Variants in RPH3A observed in about 807,000 individuals in gnomAD.
The protein encoded by RPH3A is rabphilin 3A.
Under a neutral mutation model 102.2 loss-of-function variants are expected in RPH3A, and 48 were observed. That is an observed-to-expected ratio of 0.47 (90% CI 0.37 to 0.60). RPH3A has a LOEUF of 0.60. RPH3A is among the 20% of genes least tolerant of loss of function. RPH3A has a pLI of 0.00. For missense variants in RPH3A, 781 were observed against 910.1 expected, an observed-to-expected ratio of 0.86 and a Z score of 1.83; for synonymous variants, 310 against 324.3, an observed-to-expected ratio of 0.96 and a Z score of 0.47.
chr12:112,874,181 T>A (rs1267279750), intron 10 of RPH3A: 1 of 152,230 alleles, frequency 6.6e-6, no homozygotes, highest in Admixed American at 6.5e-5. Flanking sequence ...AGGGCTTTCT[T>A]CCCAGAACAT....
intron 1 of RPH3A, among the ~76,000 whole-genome samples, chr12:112,772,538 A>G (rs1256992569): frequency 6.6e-6 from 1 of 152,172 alleles, no homozygotes; most frequent in Non-Finnish European, 1.5e-5. Context: ...ACAATAGCTA[A>G]GGTTGTACTC....
At chr12:112,768,252 C>T (rs1451614858) in intron 1 of RPH3A, among the ~76,000 whole-genome samples, 1 of 152,174 alleles carries the variant, frequency 6.6e-6, no homozygotes, top group East Asian at 1.9e-4. Context: ...TCCCCTTGCT[C>T]CCCATCAGAA....
At chr12:112,588,748 G>A (rs1415772949) in intron 1 of RPH3A, among the ~76,000 whole-genome samples, 2 of 152,174 alleles carry the variant, frequency 1.3e-5, no homozygotes, top group African/African-American at 4.8e-5. Flanking sequence ...TTCTGGGGGT[G>A]TGGGGCCTGT....
At position 112,898,842 on chromosome 12, in the gene RPH3A, G is replaced by A; in HGVS notation, c.*2062G>A. The A allele has an allele frequency of 6.6e-6, 1 of 152,376 alleles. No individual in the cohort carries two copies. 9.4% of individuals were successfully genotyped at this position (152,376 alleles called of 1,614,324 possible). A position where few individuals can be genotyped will look rare whatever the true frequency, so the allele number is the denominator to read the frequency against. ...ACAACCACCCAGCATCTTTCTTTGT[G>A]ATGATGTAGCCAAAAATAAAGTAGG... On this transcript the variant is annotated 3_prime_UTR_variant, in exon 22 of 22. Coordinates refer to ENST00000389385, the MANE Select transcript of RPH3A (RefSeq NM_001143854.2).
At chr12:112,578,503 C>A (rs916275882) in intron 1 of RPH3A, among the ~76,000 whole-genome samples, 3 of 152,116 alleles carry the variant, frequency 2.0e-5, no homozygotes, top group Non-Finnish European at 4.4e-5. Context: ...CTGGGAAGAT[C>A]TACAGAGGAT....
At chr12:112,881,610 C>A (rs2042913872) in intron 14 of RPH3A, among the ~76,000 whole-genome samples, 162 bp from the exon 15 acceptor site, 1 of 152,236 alleles carries the variant, frequency 6.6e-6, no homozygotes, top group Non-Finnish European at 1.5e-5. Context: ...CATCCCAGTA[C>A]TCTTTCCATG....
chr12:112,626,689 C>A (rs1287451171), intron 1 of RPH3A, among the ~76,000 whole-genome samples: 1 of 110,776 alleles, frequency 9.0e-6, no homozygotes, highest in Non-Finnish European at 1.8e-5. Context: ...TACCATTTGA[C>A]CCAGCCATCC....
intron 1 of RPH3A, among the ~76,000 whole-genome samples, chr12:112,609,538 T>C (rs748594966): frequency 2.6e-5 from 4 of 152,222 alleles, no homozygotes; most frequent in Non-Finnish European, 5.9e-5. Flanking sequence ...GAAGCCGTCC[T>C]GGATTCCTTC....
chr12:112,894,366 C>A (rs1349140605), intron 19 of RPH3A: 3 of 581,888 alleles, frequency 5.2e-6, no homozygotes, highest in Non-Finnish European at 6.0e-6. Context: ...GGTTCTACTG[C>A]CTAGGGTCAT....
At chr12:112,609,803 C>G (rs2039624494) in intron 1 of RPH3A, among the ~76,000 whole-genome samples, 1 of 152,208 alleles carries the variant, frequency 6.6e-6, no homozygotes. Flanking sequence ...TAACCAGCCC[C>G]ACTTTCTGGA....
intron 1 of RPH3A, among the ~76,000 whole-genome samples, chr12:112,697,192 C>G (rs1363860605): frequency 1.3e-5 from 2 of 152,068 alleles, no homozygotes; most frequent in African/African-American, 4.8e-5. Flanking sequence ...ACTGTATTTT[C>G]AGGCAACATG....
chr12:112,708,760 A>C (rs946340361), intron 1 of RPH3A, among the ~76,000 whole-genome samples: 4 of 152,100 alleles, frequency 2.6e-5, no homozygotes, highest in African/African-American at 9.7e-5. Context: ...AGGGGATCGG[A>C]GCCTCCTGCG....
chr12:112,625,587 G>C (rs1195779262), intron 1 of RPH3A, among the ~76,000 whole-genome samples: 2 of 101,102 alleles, frequency 2.0e-5, no homozygotes, highest in African/African-American at 8.4e-5. Context: ...AACATTCCAT[G>C]CTCATGGGTA....
chr12:112,854,353 G>A (rs1196801016), intron 5 of RPH3A, among the ~76,000 whole-genome samples: 1 of 152,214 alleles, frequency 6.6e-6, no homozygotes. Flanking sequence ...TCAACTTCTA[G>A]CAAAATAATC....
chr12:112,678,876 G>A lies in RPH3A; in HGVS notation c.-140+103557G>A, dbSNP rs1051397155. Among the ~76,000 whole-genome samples the A allele has an allele frequency of 2.6e-5, 4 of 152,198 alleles. No homozygotes were observed. In the East Asian group the frequency reaches 7.7e-4, roughly 29 times the overall value. On this transcript the variant is annotated intron_variant, in intron 1 of 21. Coordinates refer to the RPH3A transcript ENST00000543106. ...AATTCTGCGTGACAGATTAGATAGAGCCCTGGAGCCTGTGAGAAGGGGTCT... is the reference window on the plus strand; with the variant it reads ...AATTCTGCGTGACAGATTAGATAGAACCCTGGAGCCTGTGAGAAGGGGTCT...
intron 1 of RPH3A, among the ~76,000 whole-genome samples, chr12:112,740,049 C>T (rs569522089): frequency 1.7e-4 from 26 of 152,142 alleles, no homozygotes; most frequent in African/African-American, 5.8e-4. Context: ...TAACCAATCC[C>T]CTGCATTAAA....
chr12:112,740,738 C>T (rs540063205), intron 1 of RPH3A, among the ~76,000 whole-genome samples: 6 of 152,282 alleles, frequency 3.9e-5, no homozygotes, highest in Admixed American at 3.3e-4. Context: ...TAATTAACAC[C>T]ACAGTTCAGC....
chr12:112,731,559 G>A (rs994613639), intron 1 of RPH3A, among the ~76,000 whole-genome samples: 16 of 152,184 alleles, frequency 1.1e-4, no homozygotes, highest in African/African-American at 3.9e-4. Context: ...ATCAGAAGAA[G>A]CTTTCTTAAT....
rs1298639931 is a variant in RPH3A at position 112,858,145 on chromosome 12, G to A, written c.231-7269G>A. Among the ~76,000 whole-genome samples the A allele has an allele frequency of 2.6e-5, 4 of 151,488 alleles. No homozygotes were observed. In the South Asian group the frequency reaches 8.4e-4, roughly 32 times the overall value. ...AGCTGGACGTAGTGGCACGCACCTG[G>A]AGTCACAACTACTTGAAAGGCTGAG... On this transcript the variant is annotated intron_variant, in intron 5 of 21. Transcript: ENST00000389385.
Sources: gnomAD v4.1 joint callset for allele counts (sites outside exome capture counted in the v4.1 genomes callset) on GRCh38, gnomAD v4.1.1 for gene constraint, MANE v1.5 for transcripts, NCBI Gene and HGNC (gene_info 2026-07-23, HGNC 2026-07-21) for gene names.